The following FANCA variants were observed in gnomAD, a reference collection of about 807,000 sequenced individuals.
The protein encoded by FANCA is Fanconi anemia group A protein.
FANCA carries 236 observed loss-of-function variants against 194.3 expected under a neutral mutation model. The observed-to-expected ratio is 1.21, with a 90% confidence interval of 1.09 to 1.35. FANCA has a LOEUF of 1.35. FANCA is among the 40% of genes most tolerant of loss of function. The pLI is 0.00. For missense variants in FANCA, 2,628 were observed against 1,813.9 expected (o/e 1.45, Z -8.15); for synonymous variants, 1,014 against 715.8 (o/e 1.42, Z -6.65).
chr16:89,758,673 T>C lies in FANCA; in HGVS notation c.2885A>G (p.His962Arg). ...QDFHQWAIHEHFLPESSASGG... is the reference protein window; with the variant it reads ...QDFHQWAIHERFLPESSASGG... ...TGAAGCCGAGGACTCAGGGAGAAAGTGCTCATGGATCGCCCACTGGTGGAA... is the reference window on the plus strand; with the variant it reads ...TGAAGCCGAGGACTCAGGGAGAAAGCGCTCATGGATCGCCCACTGGTGGAA... The change falls in exon 30 of 43, where the codon CAC becomes CGC. Residue 962 changes from histidine (H) to arginine (R), a missense_variant. Physicochemically the swap from His to Arg is conservative, Grantham distance 29. Coordinates refer to ENST00000389301, the MANE Select transcript of FANCA (RefSeq NM_000135.4). 6.2e-7 allele frequency: 1 copy of C among 1,613,972 alleles called. No individual in the cohort carries two copies. The highest frequency in any genetic ancestry group is 1.1e-5 in the South Asian group (1 of 91,088).
chr16:89,799,753 G>A, intron 8 of FANCA, 115 bp from the exon 9 acceptor site: 1 of 850,144 alleles, frequency 1.2e-6, no homozygotes, highest in Non-Finnish European at 2.0e-6. Context: ...CGGCACTTCA[G>A]GAGGCCGAGG....
intron 1 of FANCA, 106 bp downstream of exon 1, chr16:89,816,431 C>A: frequency 9.4e-7 from 1 of 1,061,746 alleles, no homozygotes; most frequent in Non-Finnish European, 1.2e-6. Flanking sequence ...GGCGCGGCGT[C>A]CGGGGATCCG....
chr16:89,814,116 T>C (rs1466530255), intron 3 of FANCA, among the ~76,000 whole-genome samples: 1 of 152,182 alleles, frequency 6.6e-6, no homozygotes, highest in Non-Finnish European at 1.5e-5. Flanking sequence ...TTACTGTTGT[T>C]GACCCAGAAC....
chr16:89,806,202 C>T (rs1410198630), intron 6 of FANCA, among the ~76,000 whole-genome samples: 4 of 152,124 alleles, frequency 2.6e-5, no homozygotes, highest in Admixed American at 6.6e-5. Flanking sequence ...TGTGAGCCAC[C>T]GCACCTGGCC....
chr16:89,743,338 C>T (rs2062178617), intron 36 of FANCA, among the ~76,000 whole-genome samples: 1 of 152,232 alleles, frequency 6.6e-6, no homozygotes, highest in South Asian at 2.1e-4. Flanking sequence ...GCTCTGGCCC[C>T]AGTGTGGTGT....
chr16:89,813,886 ACT>A (rs2041002089), intron 3 of FANCA, among the ~76,000 whole-genome samples: 1 of 152,046 alleles, frequency 6.6e-6, no homozygotes, highest in South Asian at 2.1e-4. Flanking sequence ...AAAAAAACAA[ACT>A]CAAAAATTAA....
chr16:89,786,899 T>G (rs4522419), intron 14 of FANCA, among the ~76,000 whole-genome samples: 1 of 152,158 alleles, frequency 6.6e-6, no homozygotes, highest in Non-Finnish European at 1.5e-5. Context: ...GCACACCATG[T>G]CTTATCACCC....
chr16:89,814,426 G>A, intron 3 of FANCA, 94 bp downstream of exon 3: 1 of 999,832 alleles, frequency 1.0e-6, no homozygotes, highest in East Asian at 2.5e-5. Flanking sequence ...CATCGCCTGA[G>A]AAAATTTACA....
intron 10 of FANCA, chr16:89,798,752 A>G: frequency 7.3e-7 from 1 of 1,368,802 alleles, no homozygotes; most frequent in Non-Finnish European, 9.5e-7. Flanking sequence ...GAGGCCAGGC[A>G]GCGGGAGTCT....
chr16:89,749,854 C>T lies in FANCA; in HGVS notation c.3115G>A (p.Gly1039Ser), dbSNP rs773260958. ...ELQQDLIVPL[G>S]HTPSQEHFLF... ...AAGTGCTCCTGGGAAGGGGTGTGGC[C>T]GAGAGGCACTATGAGGTCTTGCTGC... Residue 1039 changes from glycine (G) to serine (S), a missense_variant, in exon 32 of 43, where the codon GGC (glycine) becomes AGC (serine). Physicochemically the swap from Gly to Ser is moderately conservative, Grantham distance 56 (BLOSUM62 0). Transcript: ENST00000389301. The T allele has an allele frequency of 1.9e-5, 30 of 1,614,044 alleles. No homozygotes were observed. Among genetic ancestry groups the T allele is most frequent in the African/African-American group, 2.7e-5 (2 of 74,934 alleles).
At chr16:89,798,170 T>C (rs1481519841) in intron 10 of FANCA, among the ~76,000 whole-genome samples, 1 of 152,098 alleles carries the variant, frequency 6.6e-6, no homozygotes, top group South Asian at 2.1e-4. Context: ...CTCTACCTCA[T>C]GAAGACACAG....
At chr16:89,744,642 C>G in intron 36 of FANCA, 1 of 388,474 alleles carries the variant, frequency 2.6e-6, no homozygotes, top group Non-Finnish European at 4.9e-6. Context: ...GTTCCTCACT[C>G]AGACGAGACA....
intron 5 of FANCA, among the ~76,000 whole-genome samples, 173 bp from the exon 6 acceptor site, chr16:89,808,540 G>C (rs936394141): frequency 1.6e-4 from 24 of 152,120 alleles, no homozygotes; most frequent in African/African-American, 5.3e-4. Context: ...TTTTTACAAA[G>C]CTGTACTGGT....
intron 31 of FANCA, among the ~76,000 whole-genome samples, 178 bp downstream of exon 31, chr16:89,751,960 C>T (rs868607126): frequency 1.3e-4 from 20 of 152,062 alleles, no homozygotes; most frequent in South Asian, 4.2e-4. Context: ...TTAGTAGAGA[C>T]GGGGTCTCAT....
At chr16:89,739,043 G>A in intron 41 of FANCA, 69 bp from the exon 42 acceptor site, 1 of 1,614,022 alleles carries the variant, frequency 6.2e-7, no homozygotes, top group East Asian at 2.2e-5. Flanking sequence ...GTCCCCCATA[G>A]TCTGCATGCT....
At position 89,763,441 on chromosome 16, in the gene FANCA, G is replaced by A. The variant is rs191004625; in HGVS notation, c.2779-1419C>T. 4.9e-3 allele frequency among the ~76,000 whole-genome samples: 745 copies of A among 152,008 alleles called. 4 individuals carry two copies. Among genetic ancestry groups the A allele is most frequent in the Non-Finnish European group, 8.0e-3 (545 of 67,994 alleles). On this transcript the variant is annotated intron_variant, in intron 28 of 42. Transcript: ENST00000389301. ...TCCTGACATCTCAGCCTCCCAAAGT[G>A]CTGGGATTATAGGCATGAGCCACTG... is the stretch of plus-strand genomic sequence containing the variant.
chr16:89,770,737 A>C (rs1364416745), intron 23 of FANCA, 103 bp from the exon 24 acceptor site: 1 of 1,016,986 alleles, frequency 9.8e-7, no homozygotes, highest in Non-Finnish European at 1.5e-6. Flanking sequence ...TCTGCTTTGC[A>C]AAAAGACCTC....
At chr16:89,786,273 T>C (rs1264396528) in intron 14 of FANCA, among the ~76,000 whole-genome samples, 1 of 152,064 alleles carries the variant, frequency 6.6e-6, no homozygotes, top group East Asian at 1.9e-4. Flanking sequence ...AACCTCCGCC[T>C]CCCAGGTTCA....
chr16:89,739,383 C>A, intron 40 of FANCA, 94 bp from the exon 41 acceptor site: 4 of 1,585,824 alleles, frequency 2.5e-6, no homozygotes, highest in Admixed American at 1.8e-5. Flanking sequence ...AGCAGAGGCA[C>A]AGACAACCCT....
Sources: gnomAD v4.1 joint callset for allele counts (sites outside exome capture counted in the v4.1 genomes callset) on GRCh38, gnomAD v4.1.1 for gene constraint, MANE v1.5 for transcripts, NCBI Gene and HGNC (gene_info 2026-07-23, HGNC 2026-07-21) for gene names.